Variants in RSRC1 observed in about 807,000 individuals in gnomAD.
The protein encoded by RSRC1 is serine/Arginine-related protein 53.
RSRC1 carries 39 observed loss-of-function variants against 49.1 expected under a neutral mutation model. That is an observed-to-expected ratio of 0.79 (90% confidence interval 0.61 to 1.04). The LOEUF (loss-of-function observed/expected upper bound fraction) is 1.04. Among genes scored for constraint, RSRC1 ranks in the 50% least tolerant of loss-of-function variants. RSRC1 has a pLI of 0.00. For missense variants in RSRC1, 388 were observed against 402.4 expected (o/e 0.96, Z 0.31); for synonymous variants, 143 against 130.8 (o/e 1.09, Z -0.63).
intron 3 of RSRC1, among the ~76,000 whole-genome samples, chr3:158,172,024 A>G (rs1718909634): frequency 6.6e-6 from 1 of 152,150 alleles, no homozygotes; most frequent in African/African-American, 2.4e-5. Context: ...GAACAATGAA[A>G]AAAAGAATTT....
At chr3:158,231,666 G>T (rs904161877) in intron 4 of RSRC1, among the ~76,000 whole-genome samples, 2 of 151,994 alleles carry the variant, frequency 1.3e-5, no homozygotes, top group Non-Finnish European at 2.9e-5. Context: ...ATAGTATGCT[G>T]CATTGCCTTT....
chr3:158,385,240 C>T (rs1732910947), intron 6 of RSRC1, among the ~76,000 whole-genome samples: 1 of 152,124 alleles, frequency 6.6e-6, no homozygotes, highest in Non-Finnish European at 1.5e-5. Context: ...TGACACTATT[C>T]CTGCCACCTT....
At chr3:158,126,205 C>T (rs1445333678) in intron 3 of RSRC1, among the ~76,000 whole-genome samples, 1 of 151,940 alleles carries the variant, frequency 6.6e-6, no homozygotes, top group Admixed American at 6.6e-5. Context: ...GAGTTTAATC[C>T]AGTTACATTT....
intron 3 of RSRC1, among the ~76,000 whole-genome samples, chr3:158,179,164 G>GT (rs1233103133): frequency 6.6e-6 from 1 of 152,104 alleles, no homozygotes; most frequent in Non-Finnish European, 1.5e-5. Context: ...TGAGAATAAT[G>GT]TATTTGGATA....
At chr3:158,430,255 A>G (rs571675189) in intron 6 of RSRC1, among the ~76,000 whole-genome samples, 5 of 151,932 alleles carry the variant, frequency 3.3e-5, no homozygotes, top group African/African-American at 9.6e-5. Flanking sequence ...AAATGGAAAA[A>G]CTTTCAAAGC....
intron 4 of RSRC1, among the ~76,000 whole-genome samples, chr3:158,218,876 T>C (rs577301712): frequency 4.6e-5 from 7 of 151,810 alleles, no homozygotes; most frequent in Admixed American, 3.9e-4. Context: ...TCTGGCACTA[T>C]TGTAGTTACT....
intron 3 of RSRC1, among the ~76,000 whole-genome samples, chr3:158,142,870 G>T (rs1413954957): frequency 6.6e-6 from 1 of 152,136 alleles, no homozygotes; most frequent in Non-Finnish European, 1.5e-5. Flanking sequence ...TCCCTCACTT[G>T]TGTCGTAGGC....
At chr3:158,238,370 A>G (rs2107985885) in intron 4 of RSRC1, among the ~76,000 whole-genome samples, 1 of 152,328 alleles carries the variant, frequency 6.6e-6, no homozygotes, top group East Asian at 1.9e-4. Flanking sequence ...AAACTACTTT[A>G]AAGTTCATAT....
intron 7 of RSRC1, among the ~76,000 whole-genome samples, chr3:158,477,025 C>CT (rs1738396714): frequency 6.6e-6 from 1 of 152,068 alleles, no homozygotes; most frequent in African/African-American, 2.4e-5. Context: ...AAGTAACAGC[C>CT]TTTGTGTTGG....
chr3:158,243,152 G>C (rs1042210551), intron 4 of RSRC1, among the ~76,000 whole-genome samples: 2 of 152,046 alleles, frequency 1.3e-5, no homozygotes, highest in Non-Finnish European at 2.9e-5. Context: ...GTATCACCTA[G>C]GTTTTCTTCT....
At position 158,267,858 on chromosome 3, in the gene RSRC1, C is replaced by CTTTTTTTTTTTTT. The variant is rs377128391; in HGVS notation, c.495-30180_495-30179insTTTTTTTTTTTTT. Among the ~76,000 whole-genome samples, 4 of 91,256 alleles carry CTTTTTTTTTTTTT rather than the reference C, an allele frequency of 4.4e-5. 1 individual carries two copies. Among genetic ancestry groups the CTTTTTTTTTTTTT allele is most frequent in the African/African-American group, 7.9e-5 (2 of 25,246 alleles). The allele number at this position is 91,256 out of a possible 152,430, so 59.9% of individuals were successfully genotyped here. On this transcript the variant is annotated intron_variant, in intron 4 of 9. Transcript: ENST00000611884. Reference sequence around the variant, plus strand: ...TTTCTTATGCTGTTTGTTTCCATATCTATTTTTTTTTTTTTTTTTTGGCTT... The same window carrying CTTTTTTTTTTTTT: ...TTTCTTATGCTGTTTGTTTCCATATCTTTTTTTTTTTTTTATTTTTTTTTTTTTTTTTTGGCTT...
intron 4 of RSRC1, among the ~76,000 whole-genome samples, chr3:158,261,793 C>A (rs1201556852): frequency 1.3e-5 from 2 of 152,326 alleles, no homozygotes; most frequent in South Asian, 4.1e-4. Flanking sequence ...CCCATCACCA[C>A]CAGATGGAAC....
intron 5 of RSRC1, among the ~76,000 whole-genome samples, chr3:158,338,000 A>G (rs1014279345): frequency 1.3e-5 from 2 of 152,200 alleles, no homozygotes; most frequent in Admixed American, 6.5e-5. Context: ...AGGCTTTTGT[A>G]TGGCTATGTA....
intron 6 of RSRC1, among the ~76,000 whole-genome samples, chr3:158,366,945 G>C (rs763448148): frequency 3.9e-5 from 6 of 152,120 alleles, no homozygotes; most frequent in Non-Finnish European, 5.9e-5. Context: ...TTGACTCTCT[G>C]TCTGTTACTC....
chr3:158,323,464 G>A (rs1241150913), intron 5 of RSRC1, among the ~76,000 whole-genome samples: 2 of 152,100 alleles, frequency 1.3e-5, no homozygotes, highest in Non-Finnish European at 1.5e-5. Context: ...AAGATCTTCC[G>A]CACACATGTG....
At chr3:158,525,007 T>G (rs369108951) in intron 7 of RSRC1, among the ~76,000 whole-genome samples, 13 of 152,124 alleles carry the variant, frequency 8.5e-5, no homozygotes, top group African/African-American at 2.6e-4. Context: ...TTTGCAGCCT[T>G]GAGTATGCAA....
chr3:158,308,561 C>T (rs571673626), intron 5 of RSRC1, among the ~76,000 whole-genome samples: 10 of 151,848 alleles, frequency 6.6e-5, no homozygotes, highest in African/African-American at 1.2e-4. Flanking sequence ...TGAGAGAAAC[C>T]AAAGTATTCA....
chr3:158,255,704 C>T (rs1724506824), intron 4 of RSRC1, among the ~76,000 whole-genome samples: 3 of 152,162 alleles, frequency 2.0e-5, no homozygotes, highest in Admixed American at 2.0e-4. Flanking sequence ...AATATTCTTC[C>T]ATTTGTTTGT....
rs185286793 is a variant in RSRC1 at position 158,276,372 on chromosome 3, A to T, written c.495-21667A>T. Reference sequence around the variant, plus strand: ...GACCCTCAGAAGAAAGCGCATGATGACATCAGGCTGCTTTCTCCATAGCTC... The same window carrying T: ...GACCCTCAGAAGAAAGCGCATGATGTCATCAGGCTGCTTTCTCCATAGCTC... On this transcript the variant is annotated intron_variant, in intron 4 of 9. Coordinates refer to ENST00000611884, the MANE Select transcript of RSRC1 (RefSeq NM_001271838.2). 6.2e-4 allele frequency: 483 copies of T among 779,572 alleles called. 6 individuals carry two copies. In the East Asian group the frequency reaches 8.8e-3, roughly 14 times the overall value. 48.3% of individuals were successfully genotyped at this position (779,572 alleles called of 1,614,324 possible).
Sources: gnomAD v4.1 joint callset for allele counts (sites outside exome capture counted in the v4.1 genomes callset) on GRCh38, gnomAD v4.1.1 for gene constraint, MANE v1.5 for transcripts, NCBI Gene and HGNC (gene_info 2026-07-23, HGNC 2026-07-21) for gene names.